The following KCNN2 variants were observed in gnomAD, a reference collection of about 807,000 sequenced individuals.
The protein encoded by KCNN2 is small conductance calcium-activated potassium channel protein 2.
In KCNN2, 24 loss-of-function variants were observed where a neutral mutation model predicts 55.5. The ratio of observed to expected loss-of-function variants is 0.43; its 90% CI spans 0.31 to 0.61. The LOEUF (loss-of-function observed/expected upper bound fraction) is 0.61, where lower values mean the gene tolerates loss of function less well. KCNN2 is among the 20% of genes least tolerant of loss of function. KCNN2 has a pLI of 0.08. For missense variants in KCNN2, 754 were observed against 853.6 expected (o/e 0.88, Z 1.45); for synonymous variants, 431 against 336.1 (o/e 1.28, Z -3.09).
intron 1 of KCNN2, among the ~76,000 whole-genome samples, chr5:114,112,200 C>G (rs1314736286): frequency 6.6e-6 from 1 of 152,076 alleles, no homozygotes. Flanking sequence ...AAGCTGGAAA[C>G]CATCATTTTC....
intron 1 of KCNN2, among the ~76,000 whole-genome samples, chr5:114,172,061 C>T (rs189580857): frequency 6.6e-6 from 1 of 151,912 alleles, no homozygotes; most frequent in East Asian, 1.9e-4. Context: ...TAAGCTTGAC[C>T]AAGGGAAGGG....
At chr5:114,080,959 G>A (rs56320610) in intron 1 of KCNN2, among the ~76,000 whole-genome samples, 21,908 of 151,960 alleles carry the variant, frequency 0.14, 1,779 homozygotes, top group South Asian at 0.27. Context: ...AACACTGTTA[G>A]AACTAAAAGG....
At chr5:114,071,048 C>A (rs1750557951) in intron 1 of KCNN2, among the ~76,000 whole-genome samples, 1 of 152,122 alleles carries the variant, frequency 6.6e-6, no homozygotes, top group Non-Finnish European at 1.5e-5. Flanking sequence ...ATATGCTAGC[C>A]ATATACATAT....
chr5:114,486,768 A>T (rs1384122247), intron 5 of KCNN2: 1 of 1,321,290 alleles, frequency 7.6e-7, no homozygotes, highest in Non-Finnish European at 9.9e-7. Flanking sequence ...ATTAAAAAAA[A>T]AAAATAGTTG....
intron 2 of KCNN2, among the ~76,000 whole-genome samples, chr5:114,301,553 T>A (rs1756160672): frequency 6.6e-6 from 1 of 152,180 alleles, no homozygotes; most frequent in Admixed American, 6.5e-5. Context: ...TCCCTGGTAG[T>A]CACCTTTCCA....
chr5:114,232,633 C>T (rs959631069), intron 2 of KCNN2, among the ~76,000 whole-genome samples: 7 of 148,310 alleles, frequency 4.7e-5, no homozygotes, highest in Admixed American at 4.0e-4. Flanking sequence ...TTTTGATGAT[C>T]TCTTTTTTTA....
At chr5:114,193,588 C>G (rs1753493220) in intron 1 of KCNN2, among the ~76,000 whole-genome samples, 1 of 152,094 alleles carries the variant, frequency 6.6e-6, no homozygotes, top group African/African-American at 2.4e-5. Flanking sequence ...TCTTCTAAAC[C>G]AAAGCTGTAA....
intron 1 of KCNN2, among the ~76,000 whole-genome samples, chr5:114,157,385 T>G (rs1383230311): frequency 6.6e-6 from 1 of 152,126 alleles, no homozygotes; most frequent in Non-Finnish European, 1.5e-5. Flanking sequence ...TGTGCCACAT[T>G]TTCTTAATCC....
intron 2 of KCNN2, among the ~76,000 whole-genome samples, chr5:114,370,375 A>G (rs965390865): frequency 6.6e-6 from 1 of 152,184 alleles, no homozygotes. Flanking sequence ...TGCAAATGCA[A>G]TGAGGAATAA....
At chr5:114,181,646 A>G (rs879471775) in intron 1 of KCNN2, among the ~76,000 whole-genome samples, 1 of 152,086 alleles carries the variant, frequency 6.6e-6, no homozygotes, top group African/African-American at 2.4e-5. Context: ...CCTGTGTTGC[A>G]AAGGTACTCT....
At chr5:114,442,199 C>T (rs1221889428) in intron 3 of KCNN2, among the ~76,000 whole-genome samples, 2 of 151,616 alleles carry the variant, frequency 1.3e-5, no homozygotes, top group Non-Finnish European at 2.9e-5. Flanking sequence ...GGGGAAGAGA[C>T]ATCCCTCTCA....
intron 5 of KCNN2, among the ~76,000 whole-genome samples, chr5:114,482,307 A>C (rs1234453435): frequency 1.3e-5 from 2 of 152,208 alleles, no homozygotes; most frequent in East Asian, 3.9e-4. Flanking sequence ...GAGAAATGCA[A>C]ATCGGAAACC....
At chr5:114,275,692 T>C (rs1212335004) in intron 2 of KCNN2, among the ~76,000 whole-genome samples, 1 of 152,148 alleles carries the variant, frequency 6.6e-6, no homozygotes, top group African/African-American at 2.4e-5. Context: ...CCCTTTATTA[T>C]TTTTTATTGC....
intron 3 of KCNN2, among the ~76,000 whole-genome samples, chr5:114,453,039 C>T (rs1760762657): frequency 6.6e-6 from 1 of 152,168 alleles, no homozygotes. Flanking sequence ...GCAATATCAG[C>T]TTTGTTACTG....
At chr5:114,326,740 A>G (rs140772803) in intron 2 of KCNN2, among the ~76,000 whole-genome samples, 2 of 152,318 alleles carry the variant, frequency 1.3e-5, no homozygotes, top group African/African-American at 4.8e-5. Context: ...CCATTTTAAA[A>G]GAAATTTTAG....
intron 5 of KCNN2, among the ~76,000 whole-genome samples, chr5:114,483,280 T>C (rs1762310606): frequency 6.7e-6 from 1 of 148,436 alleles, no homozygotes; most frequent in South Asian, 2.1e-4. Context: ...TTTCTTTTTT[T>C]TTTTTTTTTT....
intron 1 of KCNN2, among the ~76,000 whole-genome samples, chr5:114,216,618 A>G (rs1218451848): frequency 6.6e-6 from 1 of 152,150 alleles, no homozygotes; most frequent in Non-Finnish European, 1.5e-5. Context: ...CAAACTGGTA[A>G]TAGAGAGGAA....
intron 3 of KCNN2, among the ~76,000 whole-genome samples, chr5:114,421,605 TTTTTG>T (rs1188918801): frequency 6.6e-6 from 1 of 151,610 alleles, no homozygotes; most frequent in Admixed American, 6.6e-5. Context: ...CCAGCATCTG[TTTTTG>T]TTTTGTTTTG....
chr5:114,247,995 C>T (rs972016981), intron 2 of KCNN2, among the ~76,000 whole-genome samples: 17 of 152,064 alleles, frequency 1.1e-4, no homozygotes, highest in Admixed American at 9.8e-4. Flanking sequence ...CTTTGCTTTC[C>T]GTCCTGACTT....
Sources: allele counts gnomAD v4.1 joint callset (sites outside exome capture counted in the v4.1 genomes callset), GRCh38; gene constraint gnomAD v4.1.1; transcripts MANE v1.5; gene names NCBI Gene and HGNC (gene_info 2026-07-23, HGNC 2026-07-21).